The following KATNBL1 variants were observed in gnomAD, a reference collection of about 807,000 sequenced individuals.
KATNBL1 encodes the protein katanin regulatory subunit B1 like 1, also known as KATNB1-like protein 1.
A neutral mutation model predicts 44.7 loss-of-function variants in KATNBL1; 28 were observed. The ratio of observed to expected loss-of-function variants is 0.63; its 90% CI spans 0.46 to 0.86. The LOEUF is 0.86. Ranked by LOEUF, KATNBL1 falls within the 40% of genes least tolerant of loss-of-function variation. The probability of loss-of-function intolerance (pLI) is 0.00; values close to 1 mark genes in which losing one functional copy is unlikely to be tolerated. For missense variants in KATNBL1, 272 were observed against 350.7 expected (o/e 0.78, Z 1.79); for synonymous variants, 78 against 114.9 (o/e 0.68, Z 2.06).
intron 1 of KATNBL1, among the ~76,000 whole-genome samples, chr15:34,183,288 T>C (rs969568538): frequency 6.6e-6 from 1 of 152,238 alleles, no homozygotes; most frequent in Non-Finnish European, 1.5e-5. Context: ...GGGTAAGTGC[T>C]GTCAGGCCAA....
Position 34,142,500 on chromosome 15 carries a change from G to A in KATNBL1, c.883-129C>T, listed in dbSNP as rs572388049. On this transcript the variant is annotated intron_variant, in intron 9 of 9. Coordinates refer to ENST00000256544, the MANE Select transcript of KATNBL1 (RefSeq NM_024713.3). Reference sequence around the variant, plus strand: ...GTGACCTTTTGAGGGTAAAAGACGTGCCTTGTTCAGTGCTTTTATCTGCAT... The same window carrying A: ...GTGACCTTTTGAGGGTAAAAGACGTACCTTGTTCAGTGCTTTTATCTGCAT... 1,923 of 955,938 alleles carry A rather than the reference G, an allele frequency of 2.0e-3. 7 individuals carry two copies. Among genetic ancestry groups the A allele is most frequent in the Non-Finnish European group, 2.7e-3 (1,768 of 665,804 alleles). 59.2% of individuals were successfully genotyped at this position (955,938 alleles called of 1,614,324 possible). A position where few individuals can be genotyped will look rare whatever the true frequency, so the allele number is the denominator to read the frequency against.
chr15:34,155,747 C>T (rs1448907212), intron 2 of KATNBL1, among the ~76,000 whole-genome samples: 1 of 152,212 alleles, frequency 6.6e-6, no homozygotes, highest in East Asian at 1.9e-4. Flanking sequence ...TCAGCTATTC[C>T]TTTAACAGCA....
intron 1 of KATNBL1, among the ~76,000 whole-genome samples, chr15:34,205,086 C>A (rs1057379668): frequency 6.6e-6 from 1 of 151,924 alleles, no homozygotes; most frequent in Admixed American, 6.6e-5. Flanking sequence ...CTCCGCCTCC[C>A]GGGTTCAAGT....
At chr15:34,155,135 A>G (rs1351156427) in intron 2 of KATNBL1, among the ~76,000 whole-genome samples, 2 of 152,222 alleles carry the variant, frequency 1.3e-5, no homozygotes, top group Non-Finnish European at 2.9e-5. Flanking sequence ...AAGAATGAGG[A>G]AGTTAAACTT....
At chr15:34,189,732 T>G (rs1195880716) in intron 1 of KATNBL1, among the ~76,000 whole-genome samples, 1 of 152,176 alleles carries the variant, frequency 6.6e-6, no homozygotes, top group Non-Finnish European at 1.5e-5. Context: ...TTCCCTGCAG[T>G]TTACTCAAAA....
rs183333529 is a variant in KATNBL1, at chr15:34,142,311, C to T, written c.*28G>A. 39 of 1,579,064 alleles carry T rather than the reference C, an allele frequency of 2.5e-5. No homozygotes were observed. The highest frequency in any genetic ancestry group is 4.5e-4 in the Middle Eastern group (2 of 4,492). ...TACAGTTCAGGGATGTTTTGAAAAA[C>T]CAAATGCTCTTTAGTAGATGAAATC... On this transcript the variant is annotated 3_prime_UTR_variant, in exon 10 of 10. Coordinates refer to ENST00000256544, the MANE Select transcript of KATNBL1 (RefSeq NM_024713.3).
intron 9 of KATNBL1, among the ~76,000 whole-genome samples, chr15:34,143,573 A>G (rs1365072018): frequency 6.6e-6 from 1 of 151,854 alleles, no homozygotes; most frequent in Non-Finnish European, 1.5e-5. Context: ...AGAGCAAGGT[A>G]ATACGTCATG....
intron 1 of KATNBL1, among the ~76,000 whole-genome samples, chr15:34,201,539 T>C (rs1890176291): frequency 6.6e-6 from 1 of 152,222 alleles, no homozygotes; most frequent in Non-Finnish European, 1.5e-5. Context: ...ATTATATACA[T>C]ATTTTCTTAA....
intron 1 of KATNBL1, among the ~76,000 whole-genome samples, chr15:34,196,080 T>C (rs1241407989): frequency 2.6e-5 from 4 of 152,164 alleles, no homozygotes; most frequent in African/African-American, 4.8e-5. Flanking sequence ...AAAAGATTCA[T>C]TAAAAAAAGA....
intron 8 of KATNBL1, 198 bp downstream of exon 8, chr15:34,146,563 G>T: frequency 1.9e-6 from 1 of 513,118 alleles, no homozygotes. Flanking sequence ...AGAGATACAG[G>T]AGGTTAGTAG....
At chr15:34,207,500 C>A (rs967314577) in intron 1 of KATNBL1, among the ~76,000 whole-genome samples, 3 of 152,010 alleles carry the variant, frequency 2.0e-5, no homozygotes, top group African/African-American at 7.2e-5. Flanking sequence ...GACCCACTGG[C>A]CCTAATTTTA....
chr15:34,173,384 C>T (rs182445838), intron 1 of KATNBL1, among the ~76,000 whole-genome samples: 127 of 152,222 alleles, frequency 8.3e-4, no homozygotes, highest in African/African-American at 2.9e-3. Flanking sequence ...AAAATCCAAA[C>T]TTGGTCATGT....
At chr15:34,155,651 T>C (rs1340103217) in intron 2 of KATNBL1, among the ~76,000 whole-genome samples, 1 of 152,238 alleles carries the variant, frequency 6.6e-6, no homozygotes, top group Non-Finnish European at 1.5e-5. Context: ...GTTTTAATCA[T>C]GATGCAAACT....
chr15:34,157,019 C>A (rs1597432248), intron 2 of KATNBL1, among the ~76,000 whole-genome samples: 1 of 152,220 alleles, frequency 6.6e-6, no homozygotes. Flanking sequence ...CCCAAGCTAA[C>A]TTATCCCAGT....
In KATNBL1 at chr15:34,141,254, T is replaced by A. The variant is rs1261452425; in HGVS notation, c.*1085A>T. The A allele has an allele frequency of 6.6e-6, 1 of 152,476 alleles. No homozygotes were observed. 9.4% of individuals were successfully genotyped at this position (152,476 alleles called of 1,614,324 possible). The stretch of plus-strand genomic sequence containing the variant: ...ATATCATACTAACCATTAGAGGAGG[T>A]AGTGACACAAAGTGTTGGAATTTAA... On this transcript the variant is annotated 3_prime_UTR_variant, in exon 10 of 10. Coordinates refer to ENST00000256544, the MANE Select transcript of KATNBL1 (RefSeq NM_024713.3).
intron 1 of KATNBL1, among the ~76,000 whole-genome samples, chr15:34,190,892 CAAT>C (rs936931909): frequency 1.5e-4 from 23 of 151,954 alleles, no homozygotes; most frequent in African/African-American, 5.6e-4. Context: ...CATGAGGATG[CAAT>C]TAGAAAAATC....
intron 1 of KATNBL1, among the ~76,000 whole-genome samples, chr15:34,196,418 A>C (rs959766911): frequency 3.3e-5 from 5 of 152,124 alleles, no homozygotes; most frequent in African/African-American, 1.2e-4. Context: ...ACTTTGTCTC[A>C]AAAATAAAAT....
At position 34,140,942 on chromosome 15, in the gene KATNBL1, GA is replaced by G. The variant is rs1888136156; in HGVS notation, c.*1396del. The G allele has an allele frequency of 6.6e-6, 1 of 152,130 alleles. No homozygotes were observed. 9.4% of individuals were successfully genotyped at this position (152,130 alleles called of 1,614,324 possible). On this transcript the variant is annotated 3_prime_UTR_variant, in exon 10 of 10. Transcript: ENST00000256544. Reference sequence around the variant, plus strand: ...AGTGAAACATAACTTTTAAGAGCAAGAAATCTGCTTGAGATTCGTATCAGTA... The same window carrying G: ...AGTGAAACATAACTTTTAAGAGCAAGAATCTGCTTGAGATTCGTATCAGTA...
At chr15:34,198,730 T>C (rs1890090367) in intron 1 of KATNBL1, among the ~76,000 whole-genome samples, 2 of 152,322 alleles carry the variant, frequency 1.3e-5, no homozygotes, top group Admixed American at 6.5e-5. Flanking sequence ...CACAGTTCCA[T>C]AAATGTGACA....
Sources: gnomAD v4.1 joint callset for allele counts (sites outside exome capture counted in the v4.1 genomes callset) on GRCh38, gnomAD v4.1.1 for gene constraint, MANE v1.5 for transcripts, NCBI Gene and HGNC (gene_info 2026-07-23, HGNC 2026-07-21) for gene names.